PITPNC1: variants seen among roughly 807,000 people sequenced by gnomAD.
PITPNC1 encodes the protein phosphatidylinositol transfer protein cytoplasmic 1.
PITPNC1 carries 18 observed loss-of-function variants against 44.7 expected under a neutral mutation model. The ratio of observed to expected loss-of-function variants is 0.40; its 90% CI spans 0.28 to 0.60. The LOEUF (loss-of-function observed/expected upper bound fraction) is 0.60. PITPNC1 is among the 20% of genes least tolerant of loss of function. The probability of loss-of-function intolerance (pLI) is 0.39; values close to 1 mark genes in which losing one functional copy is unlikely to be tolerated. For synonymous variants in PITPNC1, 141 were observed against 149.6 expected (o/e 0.94, Z 0.42); for missense variants, 290 against 418.4 (o/e 0.69, Z 2.68).
intron 5 of PITPNC1, among the ~76,000 whole-genome samples, chr17:67,584,552 T>A (rs555956978): frequency 3.3e-5 from 5 of 151,768 alleles, no homozygotes; most frequent in South Asian, 4.2e-4. Flanking sequence ...AAAAAAAAAA[T>A]AGGATAAATA....
At chr17:67,461,891 G>C (rs1432391072) in intron 1 of PITPNC1, among the ~76,000 whole-genome samples, 1 of 152,144 alleles carries the variant, frequency 6.6e-6, no homozygotes, top group Non-Finnish European at 1.5e-5. Flanking sequence ...CGATAGGCAA[G>C]GAATCTGAAG....
intron 1 of PITPNC1, among the ~76,000 whole-genome samples, chr17:67,398,823 GT>G (rs2038261135): frequency 2.0e-5 from 3 of 152,024 alleles, no homozygotes; most frequent in Admixed American, 2.0e-4. Flanking sequence ...ATGGTTCATT[GT>G]TGTGGCATAG....
Position 67,660,517 on chromosome 17 carries a change from AT to A in PITPNC1, c.463-8987del, listed in dbSNP as rs1210804129. On this transcript the variant is annotated intron_variant, in intron 6 of 8. Transcript: ENST00000581322. ...TATCATATATATTTTATTTTATTTT[AT>A]TTTATTTATTTATTTATTTATTTGT... Among the ~76,000 whole-genome samples the A allele has an allele frequency of 6.9e-3, 940 of 135,266 alleles. 13 individuals carry two copies. Among genetic ancestry groups the A allele is most frequent in the African/African-American group, 0.028 (857 of 30,592 alleles). 88.7% of individuals were successfully genotyped at this position (135,266 alleles called of 152,430 possible).
intron 6 of PITPNC1, among the ~76,000 whole-genome samples, chr17:67,665,091 T>C (rs1883238441): frequency 6.6e-6 from 1 of 150,792 alleles, no homozygotes; most frequent in Admixed American, 6.6e-5. Context: ...GGGTTTTGTT[T>C]GTTTGTTTGT....
Position 67,378,116 on chromosome 17 carries a change from C to T in PITPNC1, c.-39C>T. 1 of 1,483,096 alleles carries T rather than the reference C, an allele frequency of 6.7e-7. No homozygotes were observed. Among genetic ancestry groups the T allele is most frequent in the South Asian group, 1.3e-5 (1 of 79,744 alleles). The allele number at this position is 1,483,096 out of a possible 1,614,324, so 91.9% of individuals were successfully genotyped here. Reference sequence around the variant, plus strand: ...CAGCCTTGCTGGTCTTGGGGGCGCCCCCCGCTTCCCGCCCCGGGGGTCCGC... The same window carrying T: ...CAGCCTTGCTGGTCTTGGGGGCGCCTCCCGCTTCCCGCCCCGGGGGTCCGC... On this transcript the variant is annotated 5_prime_UTR_variant, in exon 1 of 9. Coordinates refer to ENST00000581322, the MANE Select transcript of PITPNC1 (RefSeq NM_012417.4).
In PITPNC1 at chr17:67,482,317, G is replaced by A. The variant is rs183386567; in HGVS notation, c.49-50485G>A. Among the ~76,000 whole-genome samples the A allele has an allele frequency of 1.2e-3, 190 of 152,060 alleles. 1 individual carries two copies. The highest frequency in any genetic ancestry group is 4.4e-3 in the African/African-American group (181 of 41,488). On this transcript the variant is annotated intron_variant, in intron 1 of 8. Transcript: ENST00000581322. ...GGTTATCTTGAGTAGGGTATTTCTA[G>A]GCTTATTTGGAAGGCAAACCAAAAA...
At chr17:67,574,383 G>A (rs2041105859) in intron 4 of PITPNC1, among the ~76,000 whole-genome samples, 1 of 152,172 alleles carries the variant, frequency 6.6e-6, no homozygotes, top group African/African-American at 2.4e-5. Flanking sequence ...TTGTAATGGA[G>A]GAAAGGGATG....
intron 1 of PITPNC1, among the ~76,000 whole-genome samples, chr17:67,415,670 T>C (rs1173147216): frequency 6.6e-6 from 1 of 152,240 alleles, no homozygotes; most frequent in African/African-American, 2.4e-5. Flanking sequence ...GGTTATATAA[T>C]GGCCTTGGCG....
chr17:67,445,436 A>G (rs1441384451), intron 1 of PITPNC1, among the ~76,000 whole-genome samples: 1 of 152,020 alleles, frequency 6.6e-6, no homozygotes, highest in Non-Finnish European at 1.5e-5. Flanking sequence ...CCCAACAGTA[A>G]CTAGGTATTA....
chr17:67,663,934 T>C (rs1176911145), intron 6 of PITPNC1, among the ~76,000 whole-genome samples: 1 of 152,080 alleles, frequency 6.6e-6, no homozygotes, highest in Non-Finnish European at 1.5e-5. Context: ...GAATCAAGTC[T>C]TCATTTCTCA....
At chr17:67,593,665 C>A (rs997444342) in intron 5 of PITPNC1, among the ~76,000 whole-genome samples, 2 of 152,172 alleles carry the variant, frequency 1.3e-5, no homozygotes, top group Admixed American at 6.5e-5. Context: ...TTCTAAAGTG[C>A]TGAGATTACA....
intron 8 of PITPNC1, among the ~76,000 whole-genome samples, chr17:67,680,579 A>G (rs914483421): frequency 8.0e-4 from 118 of 147,362 alleles, no homozygotes; most frequent in Non-Finnish European, 3.4e-4. Context: ...CAGCCTGGGC[A>G]ACAAGAGTGA....
At chr17:67,555,450 T>C (rs572301600) in intron 4 of PITPNC1, among the ~76,000 whole-genome samples, 136 of 152,268 alleles carry the variant, frequency 8.9e-4, no homozygotes, top group Non-Finnish European at 1.4e-3. Flanking sequence ...ACACTGCCTG[T>C]ATACAGCAGG....
At chr17:67,542,293 G>A (rs1306088276) in intron 2 of PITPNC1, among the ~76,000 whole-genome samples, 1 of 152,134 alleles carries the variant, frequency 6.6e-6, no homozygotes, top group Non-Finnish European at 1.5e-5. Context: ...GAGTTAGCAA[G>A]AGAGAAAGAA....
chr17:67,434,818 A>T (rs527381559), intron 1 of PITPNC1, among the ~76,000 whole-genome samples: 30 of 150,812 alleles, frequency 2.0e-4, no homozygotes, highest in East Asian at 7.9e-4. Flanking sequence ...AAAAAATAAA[A>T]AAATAAAAGG....
intron 1 of PITPNC1, among the ~76,000 whole-genome samples, chr17:67,466,218 G>T (rs570622646): frequency 8.7e-5 from 13 of 150,180 alleles, no homozygotes; most frequent in African/African-American, 2.7e-4. Context: ...GGGGGGGCGC[G>T]TCTCACGATG....
At chr17:67,655,152 G>A (rs77746881) in intron 6 of PITPNC1, among the ~76,000 whole-genome samples, 13,152 of 152,192 alleles carry the variant, frequency 0.086, 583 homozygotes, top group Middle Eastern at 0.17. Context: ...TCAAAGCATT[G>A]ACAGATTCAG....
At chr17:67,572,752 CAA>C (rs565344192) in intron 4 of PITPNC1, among the ~76,000 whole-genome samples, 33 of 99,526 alleles carry the variant, frequency 3.3e-4, no homozygotes, top group Non-Finnish European at 2.6e-4. Flanking sequence ...GTACCATGGC[CAA>C]AAAAAAAAAA....
chr17:67,642,710 T>C (rs1425269665), intron 6 of PITPNC1, among the ~76,000 whole-genome samples: 1 of 152,118 alleles, frequency 6.6e-6, no homozygotes, highest in Admixed American at 6.6e-5. Flanking sequence ...CTAGTGCTGA[T>C]TTTAAAAGCC....
Sources: allele counts gnomAD v4.1 joint callset (sites outside exome capture counted in the v4.1 genomes callset), GRCh38; gene constraint gnomAD v4.1.1; transcripts MANE v1.5; gene names NCBI Gene and HGNC (gene_info 2026-07-23, HGNC 2026-07-21).